CBR4: variants seen among roughly 807,000 people sequenced by gnomAD.
CBR4 encodes 3-oxoacyl-[acyl-carrier-protein] reductase.
CBR4 carries 22 observed loss-of-function variants against 21.0 expected under a neutral mutation model. That is an observed-to-expected ratio of 1.05 (90% confidence interval 0.75 to 1.50). The LOEUF (loss-of-function observed/expected upper bound fraction) is 1.50, where lower values mean the gene tolerates loss of function less well. Ranked by LOEUF, CBR4 falls within the 40% of genes most tolerant of loss-of-function variation. CBR4 has a pLI of 0.00. For missense variants in CBR4, 302 were observed against 286.3 expected (o/e 1.05, Z -0.40); for synonymous variants, 100 against 104.4 (o/e 0.96, Z 0.26).
At chr4:168,905,215 A>G (rs1757443146) in intron 2 of CBR4, among the ~76,000 whole-genome samples, 1 of 125,316 alleles carries the variant, frequency 8.0e-6, no homozygotes, top group East Asian at 2.8e-4. Context: ...CAGTGGCGCG[A>G]TCTCGGCTCA....
At chr4:168,918,249 T>C (rs535053238) in intron 2 of CBR4, among the ~76,000 whole-genome samples, 3 of 151,196 alleles carry the variant, frequency 2.0e-5, no homozygotes, top group South Asian at 2.1e-4. Context: ...CCCATGTTCA[T>C]TGCAGCACTA....
At position 168,988,481 on chromosome 4, in the gene CBR4, T is replaced by C; in HGVS notation, c.*1669A>G. The stretch of plus-strand genomic sequence containing the variant: ...AAACTCAAGACTGAATGGGCTGCCA[T>C]AATGGGGAAGTACAGGTAGCCAAAG... On this transcript the variant is annotated 3_prime_UTR_variant, in exon 5 of 5. Coordinates refer to ENST00000306193, the MANE Select transcript of CBR4 (RefSeq NM_032783.5). The C allele has an allele frequency of 1.3e-5, 13 of 985,340 alleles. No homozygotes were observed. The highest frequency in any genetic ancestry group is 1.6e-5 in the Non-Finnish European group (13 of 829,920). The allele number at this position is 985,340 out of a possible 1,614,324, so 61.0% of individuals were successfully genotyped here. A position where few individuals can be genotyped will look rare whatever the true frequency, so the allele number is the denominator to read the frequency against.
chr4:168,929,064 G>T (rs2126646488), intron 2 of CBR4, among the ~76,000 whole-genome samples: 1 of 152,272 alleles, frequency 6.6e-6, no homozygotes, highest in East Asian at 1.9e-4. Context: ...TGTACTGTAG[G>T]TATGCATGTA....
At chr4:168,972,321 GTGA>G (rs1455387476) in intron 2 of CBR4, among the ~76,000 whole-genome samples, 1 of 152,144 alleles carries the variant, frequency 6.6e-6, no homozygotes, top group Non-Finnish European at 1.5e-5. Flanking sequence ...GTAAAGAATG[GTGA>G]TGATATTATG....
intron 2 of CBR4, among the ~76,000 whole-genome samples, chr4:168,956,914 C>G (rs915935769): frequency 2.0e-5 from 3 of 152,092 alleles, no homozygotes; most frequent in Non-Finnish European, 4.4e-5. Flanking sequence ...TGAAAGGGCA[C>G]TAAGAATTAG....
Position 168,926,256 on chromosome 4 carries a change from A to G in CBR4, n.170-31491T>C. The G allele has an allele frequency of 6.5e-7, 1 of 1,536,830 alleles. No homozygotes were observed. The highest frequency in any genetic ancestry group is 8.7e-7 in the Non-Finnish European group (1 of 1,146,656). The stretch of plus-strand genomic sequence containing the variant: ...CACAGAGCACCAAGCCAAAAAAAGT[A>G]CGGCCCTCAGCCAGTCGCTATGCAG... On this transcript the variant is annotated intron_variant and non_coding_transcript_variant, in intron 2 of 3. Coordinates refer to the CBR4 transcript ENST00000509108.
chr4:168,909,941 G>A (rs964324733), intron 2 of CBR4, among the ~76,000 whole-genome samples: 1 of 152,140 alleles, frequency 6.6e-6, no homozygotes, highest in Admixed American at 6.5e-5. Context: ...TCCTGGTTAT[G>A]TATTGGTTAG....
intron 2 of CBR4, among the ~76,000 whole-genome samples, chr4:168,905,426 G>A (rs1205007760): frequency 6.6e-6 from 1 of 151,814 alleles, no homozygotes; most frequent in Non-Finnish European, 1.5e-5. Flanking sequence ...AGCATTACAG[G>A]TGTGAGGCAC....
chr4:168,991,164 C>T (rs982717093), intron 4 of CBR4, among the ~76,000 whole-genome samples: 20 of 152,112 alleles, frequency 1.3e-4, no homozygotes, highest in African/African-American at 4.8e-4. Flanking sequence ...AATATCTGAC[C>T]CCCAAGTATC....
chr4:168,937,088 GC>G (rs1328006509), intron 2 of CBR4, among the ~76,000 whole-genome samples: 3 of 152,138 alleles, frequency 2.0e-5, no homozygotes, highest in Non-Finnish European at 4.4e-5. Flanking sequence ...ACAAGAGGAA[GC>G]CCATCAGACT....
At chr4:168,935,232 G>C (rs1275972655) in intron 2 of CBR4, among the ~76,000 whole-genome samples, 1 of 152,216 alleles carries the variant, frequency 6.6e-6, no homozygotes, top group African/African-American at 2.4e-5. Flanking sequence ...ATGAGGGACG[G>C]TGCATTCCAG....
intron 2 of CBR4, chr4:168,916,170 T>TGGGAGGCTG: frequency 7.1e-6 from 6 of 847,220 alleles, no homozygotes; most frequent in South Asian, 1.4e-5. Flanking sequence ...CCCAGCACTT[T>TGGGAGGCTG]AGAGTCCAAA....
chr4:168,973,476 T>C (rs541209138), intron 2 of CBR4, among the ~76,000 whole-genome samples: 1 of 152,264 alleles, frequency 6.6e-6, no homozygotes, highest in East Asian at 1.9e-4. Context: ...TACAGGCACC[T>C]GCCACCACAT....
chr4:169,007,054 T>C (rs1156398933), intron 2 of CBR4, among the ~76,000 whole-genome samples, 163 bp from the exon 3 acceptor site: 1 of 152,156 alleles, frequency 6.6e-6, no homozygotes, highest in East Asian at 1.9e-4. Context: ...TTGAGAAACA[T>C]TAAAATAACA....
chr4:168,989,789 G>A lies in CBR4; in HGVS notation c.*361C>T. On this transcript the variant is annotated 3_prime_UTR_variant, in exon 5 of 5. Coordinates refer to ENST00000306193, the MANE Select transcript of CBR4 (RefSeq NM_032783.5). ...TGCTACAGTCTATGAGGTAACCAAA[G>A]GTAAGTGATACACATCCTTTAGAAA... is the stretch of plus-strand genomic sequence containing the variant. 1 of 995,906 alleles carries A rather than the reference G, an allele frequency of 1.0e-6. No homozygotes were observed. Among genetic ancestry groups the A allele is most frequent in the Non-Finnish European group, 1.2e-6 (1 of 837,218 alleles). The allele number at this position is 995,906 out of a possible 1,614,324, so 61.7% of individuals were successfully genotyped here.
At chr4:168,968,146 G>A (rs1345029203) in intron 2 of CBR4, among the ~76,000 whole-genome samples, 1 of 152,166 alleles carries the variant, frequency 6.6e-6, no homozygotes, top group African/African-American at 2.4e-5. Flanking sequence ...GTTGGTAATC[G>A]TGAATTTAGC....
Position 168,927,172 on chromosome 4 carries a change from A to G in CBR4, n.170-32407T>C, listed in dbSNP as rs28718025. 1,914 of 229,866 alleles carry G rather than the reference A, an allele frequency of 8.3e-3. 51 individuals are homozygous for G. Among genetic ancestry groups the G allele is most frequent in the African/African-American group, 0.039 (1,783 of 45,272 alleles). 14.2% of individuals were successfully genotyped at this position (229,866 alleles called of 1,614,324 possible). A position where few individuals can be genotyped will look rare whatever the true frequency, so the allele number is the denominator to read the frequency against. On this transcript the variant is annotated intron_variant and non_coding_transcript_variant, in intron 2 of 3. Transcript: ENST00000509108. Reference sequence around the variant, plus strand: ...TCCAAACCACCCAAATGACCAAGGCATATATAGTATTTGGAGGAATCAGGG... The same window carrying G: ...TCCAAACCACCCAAATGACCAAGGCGTATATAGTATTTGGAGGAATCAGGG...
chr4:168,990,968 C>A (rs1385334063), intron 4 of CBR4, among the ~76,000 whole-genome samples: 1 of 151,938 alleles, frequency 6.6e-6, no homozygotes, highest in Non-Finnish European at 1.5e-5. Flanking sequence ...GCAGGAGAAT[C>A]GCTTGAACCT....
chr4:168,900,750 T>G (rs561896988), intron 2 of CBR4, among the ~76,000 whole-genome samples: 29 of 152,334 alleles, frequency 1.9e-4, no homozygotes, highest in Admixed American at 1.9e-3. Flanking sequence ...TATAGAAAAC[T>G]TTTTACAATA....
Sources: allele counts gnomAD v4.1 joint callset (sites outside exome capture counted in the v4.1 genomes callset), GRCh38; gene constraint gnomAD v4.1.1; transcripts MANE v1.5; gene names NCBI Gene and HGNC (gene_info 2026-07-23, HGNC 2026-07-21).